The following ARSJ variants were observed in gnomAD, a reference collection of about 807,000 sequenced individuals.
The protein encoded by ARSJ is arylsulfatase J.
Under a neutral mutation model 35.9 loss-of-function variants are expected in ARSJ, and 26 were observed. That is an observed-to-expected ratio of 0.72 (90% CI 0.53 to 1.00). The LOEUF (loss-of-function observed/expected upper bound fraction) is 1.00. Among genes scored for constraint, ARSJ ranks in the 50% least tolerant of loss-of-function variants. The probability of loss-of-function intolerance (pLI) is 0.00; values close to 1 mark genes in which losing one functional copy is unlikely to be tolerated. For missense variants in ARSJ, 667 were observed against 723.6 expected (o/e 0.92, Z 0.90); for synonymous variants, 294 against 267.6 (o/e 1.10, Z -0.96).
At chr4:113,906,018 A>AAAAAGTGAATGTTTTAGAC (rs2099668649) in intron 1 of ARSJ, among the ~76,000 whole-genome samples, 1 of 152,194 alleles carries the variant, frequency 6.6e-6, no homozygotes, top group Admixed American at 6.5e-5. Context: ...CTAATTTTTT[A>AAAAAGTGAATGTTTTAGAC]ACAAGTGAAT....
chr4:113,944,202 A>G (rs1725333174), intron 1 of ARSJ: 1 of 151,990 alleles, frequency 6.6e-6, no homozygotes, highest in Non-Finnish European at 1.5e-5. Context: ...ATGCATGTGT[A>G]TATGTGTGTG....
intron 1 of ARSJ, among the ~76,000 whole-genome samples, chr4:113,924,079 ATATATATAT>A (rs1723887069): frequency 3.4e-5 from 4 of 118,516 alleles, no homozygotes; most frequent in Non-Finnish European, 5.0e-5. Context: ...ATATATAAAT[ATATATATAT>A]ATATATATAT....
At chr4:113,959,194 C>T (rs966575673) in intron 1 of ARSJ, among the ~76,000 whole-genome samples, 6 of 151,936 alleles carry the variant, frequency 3.9e-5, no homozygotes, top group African/African-American at 1.2e-4. Flanking sequence ...GAATGGCTCA[C>T]ACAGAACATA....
intron 1 of ARSJ, among the ~76,000 whole-genome samples, chr4:113,962,546 T>G (rs1281731113): frequency 2.6e-5 from 4 of 151,714 alleles, no homozygotes; most frequent in Non-Finnish European, 5.9e-5. Context: ...ACTCCTCCTT[T>G]TCTTCCTGTT....
At chr4:113,921,447 T>G (rs569546019) in intron 1 of ARSJ, among the ~76,000 whole-genome samples, 1 of 152,140 alleles carries the variant, frequency 6.6e-6, no homozygotes, top group South Asian at 2.1e-4. Flanking sequence ...TGTTTTAACG[T>G]TGACTGAGAA....
chr4:113,904,086 AT>A (rs10607935), intron 1 of ARSJ, among the ~76,000 whole-genome samples: 34,516 of 149,182 alleles, frequency 0.23, 6,245 homozygotes, highest in African/African-American at 0.51. Context: ...ACATGCCCAG[AT>A]TTTTTTTTTT....
At chr4:113,929,870 T>G (rs1724319956) in intron 1 of ARSJ, among the ~76,000 whole-genome samples, 1 of 152,074 alleles carries the variant, frequency 6.6e-6, no homozygotes. Context: ...TGGTCAAAGG[T>G]ATTATGTATA....
chr4:113,923,894 C>G (rs909112529), intron 1 of ARSJ, among the ~76,000 whole-genome samples: 1 of 150,770 alleles, frequency 6.6e-6, no homozygotes, highest in African/African-American at 2.4e-5. Context: ...TCACATTTCT[C>G]TAGCATAAGA....
At chr4:113,931,765 A>C (rs1724468692) in intron 1 of ARSJ, among the ~76,000 whole-genome samples, 5 of 152,088 alleles carry the variant, frequency 3.3e-5, no homozygotes, top group Admixed American at 3.3e-4. Flanking sequence ...AAAAACCATT[A>C]GAATCAAGTG....
chr4:113,936,965 G>C (rs1453288988), intron 1 of ARSJ, among the ~76,000 whole-genome samples: 2 of 151,854 alleles, frequency 1.3e-5, no homozygotes, highest in African/African-American at 4.8e-5. Context: ...CATTACTGCA[G>C]CTAAGAGCCT....
In ARSJ at chr4:113,939,775, G is replaced by GT. The variant is rs553585040; in HGVS notation, c.399-36101dup. Among the ~76,000 whole-genome samples the GT allele has an allele frequency of 5.1e-4, 77 of 151,820 alleles. 1 individual carries two copies. Among genetic ancestry groups the GT allele is most frequent in the African/African-American group, 1.5e-3 (64 of 41,434 alleles). ...ATGGGGTTGTTTTTTTGTTTGTTTT[G>GT]TTTTGTTTTTTGTAAATTTGAGTTC... is the stretch of plus-strand genomic sequence containing the variant. On this transcript the variant is annotated intron_variant, in intron 1 of 1. Coordinates refer to ENST00000315366, the MANE Select transcript of ARSJ (RefSeq NM_024590.4).
chr4:113,925,715 C>A (rs903197318), intron 1 of ARSJ, among the ~76,000 whole-genome samples: 1 of 152,152 alleles, frequency 6.6e-6, no homozygotes, highest in Non-Finnish European at 1.5e-5. Flanking sequence ...CATGAGTCCA[C>A]AGATGGTAGT....
intron 1 of ARSJ, among the ~76,000 whole-genome samples, chr4:113,941,875 T>C (rs1725182169): frequency 6.6e-6 from 1 of 152,018 alleles, no homozygotes; most frequent in Non-Finnish European, 1.5e-5. Flanking sequence ...ACATTATTAT[T>C]ATGGATTAGA....
chr4:113,929,961 C>T (rs758948917), intron 1 of ARSJ, among the ~76,000 whole-genome samples: 9 of 152,024 alleles, frequency 5.9e-5, no homozygotes, highest in Non-Finnish European at 8.8e-5. Context: ...ACTCTCTAAA[C>T]AGTTCATGTC....
At chr4:113,944,911 T>C (rs188226867) in intron 1 of ARSJ, among the ~76,000 whole-genome samples, 25 of 152,202 alleles carry the variant, frequency 1.6e-4, no homozygotes, top group Admixed American at 1.4e-3. Flanking sequence ...TCCGTATCTG[T>C]ATATCTATCT....
At chr4:113,972,832 G>A (rs556065207) in intron 1 of ARSJ, among the ~76,000 whole-genome samples, 3 of 152,248 alleles carry the variant, frequency 2.0e-5, no homozygotes, top group South Asian at 4.1e-4. Context: ...AGTTGGGGCC[G>A]GGCTTTTACT....
Position 113,900,821 on chromosome 4 carries a change from C to T in ARSJ, c.*1453G>A, listed in dbSNP as rs954312181. The stretch of plus-strand genomic sequence containing the variant: ...TACTGATAATACTCCTTTAATTCTC[C>T]TCATGACGTTTGCATGTGGGGTTTC... On this transcript the variant is annotated 3_prime_UTR_variant, in exon 2 of 2. Transcript: ENST00000315366. 6.6e-6 allele frequency: 1 copy of T among 152,146 alleles called. No individual in the cohort carries two copies. Among genetic ancestry groups the T allele is most frequent in the Non-Finnish European group, 1.5e-5 (1 of 68,030 alleles). The allele number at this position is 152,146 out of a possible 1,614,324, so 9.4% of individuals were successfully genotyped here. A position where few individuals can be genotyped will look rare whatever the true frequency, so the allele number is the denominator to read the frequency against.
intron 1 of ARSJ, among the ~76,000 whole-genome samples, chr4:113,947,388 G>A (rs138584484): frequency 1.7e-3 from 256 of 152,128 alleles, no homozygotes; most frequent in African/African-American, 5.8e-3. Flanking sequence ...GTTGAGGCAC[G>A]AGAATCGTTT....
intron 1 of ARSJ, among the ~76,000 whole-genome samples, chr4:113,938,828 C>T (rs1724934753): frequency 6.6e-6 from 1 of 151,980 alleles, no homozygotes; most frequent in African/African-American, 2.4e-5. Context: ...AGCTCAACAT[C>T]ACTGATCATT....
Sources: allele counts gnomAD v4.1 joint callset (sites outside exome capture counted in the v4.1 genomes callset), GRCh38; gene constraint gnomAD v4.1.1; transcripts MANE v1.5; gene names NCBI Gene and HGNC (gene_info 2026-07-23, HGNC 2026-07-21).